SAMD12: variants seen among roughly 807,000 people sequenced by gnomAD.
The protein encoded by SAMD12 is sterile alpha motif domain-containing protein 12.
In SAMD12, 9 loss-of-function variants were observed where a neutral mutation model predicts 15.0. The ratio of observed to expected loss-of-function variants is 0.60; its 90% CI spans 0.36 to 1.05. The LOEUF is 1.05. Among genes scored for constraint, SAMD12 ranks in the 50% least tolerant of loss-of-function variants. The pLI, the probability that SAMD12 is intolerant of heterozygous loss-of-function variation, is 0.01. For missense variants in SAMD12, 230 were observed against 234.2 expected (o/e 0.98, Z 0.12); for synonymous variants, 86 against 90.1 (o/e 0.96, Z 0.25).
In SAMD12 at chr8:118,519,225, C is replaced by T. The variant is rs551580158; in HGVS notation, c.192+61490G>A. Among the ~76,000 whole-genome samples the T allele has an allele frequency of 4.6e-5, 7 of 152,302 alleles. 1 individual carries two copies. In the South Asian group the frequency reaches 1.2e-3, roughly 27 times the overall value. On this transcript the variant is annotated intron_variant, in intron 2 of 3. Coordinates refer to ENST00000314727, the MANE Select transcript of SAMD12 (RefSeq NM_207506.3). The stretch of plus-strand genomic sequence containing the variant: ...GGAGGTCTGTGGTTCTCTACAAATG[C>T]CTAAGTTAAATTTCTGCCCTCCCAC...
intron 4 of SAMD12, among the ~76,000 whole-genome samples, chr8:118,325,214 T>C (rs1816510197): frequency 6.6e-6 from 1 of 152,172 alleles, no homozygotes; most frequent in Non-Finnish European, 1.5e-5. Context: ...AATTTGAGAA[T>C]TGCCTCCTTA....
At chr8:118,290,532 A>G (rs1431456283) in intron 4 of SAMD12, among the ~76,000 whole-genome samples, 3 of 152,184 alleles carry the variant, frequency 2.0e-5, no homozygotes, top group Non-Finnish European at 4.4e-5. Context: ...AATCATATTA[A>G]CCCATAATAT....
the SAMD12 span, among the ~76,000 whole-genome samples, chr8:118,169,761 G>C: frequency 6.6e-6 from 1 of 152,120 alleles, no homozygotes; most frequent in African/African-American, 2.4e-5. Context: ...GGACAACAAA[G>C]GAATCTCCTG....
At chr8:118,237,738 T>C (rs1471908240) in intron 4 of SAMD12, among the ~76,000 whole-genome samples, 1 of 152,182 alleles carries the variant, frequency 6.6e-6, no homozygotes, top group African/African-American at 2.4e-5. Flanking sequence ...GTATTTTTTG[T>C]CATTAAAATC....
intron 4 of SAMD12, among the ~76,000 whole-genome samples, chr8:118,360,386 T>C (rs2515067): frequency 0.071 from 10,747 of 152,170 alleles, 444 homozygotes; most frequent in East Asian, 0.23. Flanking sequence ...ACTCTTATTA[T>C]GATACAGAAA....
chr8:118,487,720 G>A lies in SAMD12; in HGVS notation c.193-47759C>T, dbSNP rs1234893555. Among the ~76,000 whole-genome samples the A allele has an allele frequency of 2.0e-5, 3 of 152,178 alleles. No individual in the cohort carries two copies. In the East Asian group the frequency reaches 5.8e-4, roughly 29 times the overall value. On this transcript the variant is annotated intron_variant, in intron 2 of 3. Transcript: ENST00000314727. ...TCCCTTCTTAGAGAAAAGGAAAATG[G>A]AACTCAGGGATGAAAAGTAACTTGC...
intron 4 of SAMD12, among the ~76,000 whole-genome samples, chr8:118,329,122 A>T (rs563423450): frequency 2.0e-5 from 3 of 149,960 alleles, no homozygotes; most frequent in Admixed American, 1.3e-4. Flanking sequence ...TTGGAAAAGT[A>T]AACAAAAAAA....
intron 4 of SAMD12, among the ~76,000 whole-genome samples, chr8:118,270,375 A>T (rs1303636971): frequency 6.6e-6 from 1 of 152,284 alleles, no homozygotes. Context: ...TTTTTCTTTG[A>T]TCAATGCCCA....
intron 2 of SAMD12, among the ~76,000 whole-genome samples, chr8:118,555,635 T>C (rs914579166): frequency 6.6e-6 from 1 of 152,182 alleles, no homozygotes; most frequent in Non-Finnish European, 1.5e-5. Context: ...ATTCATATCA[T>C]AAAATTTAAA....
chr8:118,534,041 T>C (rs1005939238), intron 2 of SAMD12, among the ~76,000 whole-genome samples: 31 of 152,236 alleles, frequency 2.0e-4, no homozygotes, highest in Admixed American at 1.6e-3. Context: ...CTAGCTTCGA[T>C]GGTCTTTACA....
intron 2 of SAMD12, among the ~76,000 whole-genome samples, chr8:118,511,160 A>T (rs904281465): frequency 6.6e-6 from 1 of 152,146 alleles, no homozygotes; most frequent in African/African-American, 2.4e-5. Flanking sequence ...ATTAGAAAAG[A>T]ATAAATAAAT....
intron 4 of SAMD12, among the ~76,000 whole-genome samples, chr8:118,361,262 A>G (rs1422850510): frequency 6.6e-6 from 1 of 152,130 alleles, no homozygotes; most frequent in Non-Finnish European, 1.5e-5. Flanking sequence ...TAATTAATTC[A>G]CTAATTTGCT....
chr8:118,313,927 T>C (rs1157324848), intron 4 of SAMD12, among the ~76,000 whole-genome samples: 1 of 151,370 alleles, frequency 6.6e-6, no homozygotes, highest in East Asian at 1.9e-4. Context: ...AGAGAGGAGA[T>C]GGGGGGATCT....
intron 2 of SAMD12, among the ~76,000 whole-genome samples, chr8:118,553,811 A>G (rs1241586273): frequency 1.3e-5 from 2 of 149,860 alleles, no homozygotes; most frequent in Non-Finnish European, 3.0e-5. Flanking sequence ...TCCAGAATCT[A>G]CAATGAACTC....
At chr8:118,505,837 TG>T (rs1278551337) in intron 2 of SAMD12, among the ~76,000 whole-genome samples, 1 of 152,100 alleles carries the variant, frequency 6.6e-6, no homozygotes, top group African/African-American at 2.4e-5. Flanking sequence ...TCAGGATTTG[TG>T]GGGAAGCCAC....
downstream of SAMD12, among the ~76,000 whole-genome samples, chr8:118,186,774 G>T (rs1160947421): frequency 1.3e-5 from 2 of 152,110 alleles, no homozygotes; most frequent in Non-Finnish European, 2.9e-5. Flanking sequence ...GGCAGAAGTG[G>T]GAAAGTTATA....
At chr8:118,318,143 T>C (rs1816013104) in intron 4 of SAMD12, among the ~76,000 whole-genome samples, 2 of 151,678 alleles carry the variant, frequency 1.3e-5, no homozygotes, top group African/African-American at 4.8e-5. Flanking sequence ...AATATGAAGA[T>C]ACCTTAAAGA....
rs992835762 is a variant in SAMD12 at position 118,576,592 on chromosome 8, T to C, written c.192+4123A>G. 3.3e-5 allele frequency among the ~76,000 whole-genome samples: 5 copies of C among 152,280 alleles called. No individual in the cohort carries two copies. In the East Asian group the frequency reaches 7.7e-4, roughly 24 times the overall value. On this transcript the variant is annotated intron_variant, in intron 2 of 3. Coordinates refer to ENST00000314727, the MANE Select transcript of SAMD12 (RefSeq NM_207506.3). ...AGGTCAAGTTCTTCCTGTGCTAGAG[T>C]ACCCTCCCTTGCAAGTCTTGTTCTG...
chr8:118,586,173 T>C (rs777509785), intron 1 of SAMD12, among the ~76,000 whole-genome samples: 10 of 152,166 alleles, frequency 6.6e-5, no homozygotes, highest in Non-Finnish European at 4.4e-5. Flanking sequence ...TGTGCTTCTC[T>C]ACCTTGACAG....
Sources: allele counts gnomAD v4.1 joint callset (sites outside exome capture counted in the v4.1 genomes callset), GRCh38; gene constraint gnomAD v4.1.1; transcripts MANE v1.5; gene names NCBI Gene and HGNC (gene_info 2026-07-23, HGNC 2026-07-21).